FPR2: variants seen among roughly 807,000 people sequenced by gnomAD.
FPR2 encodes N-formyl peptide receptor 2.
A neutral mutation model predicts 4.0 loss-of-function variants in FPR2; 3 were observed. The ratio of observed to expected loss-of-function variants is 0.74; its 90% CI spans 0.34 to 1.92. FPR2 has a LOEUF of 1.92. FPR2 is among the 30% of genes most tolerant of loss of function. The pLI, the probability that FPR2 is intolerant of heterozygous loss-of-function variation, is 0.07. For synonymous variants in FPR2, 179 were observed against 171.5 expected, an observed-to-expected ratio of 1.04 and a Z score of -0.34; for missense variants, 372 against 435.7, an observed-to-expected ratio of 0.85 and a Z score of 1.30.
intron 1 of FPR2, chr19:51,763,317 C>T (rs1160099758): frequency 4.6e-5 from 7 of 152,106 alleles, no homozygotes; most frequent in Non-Finnish European, 8.8e-5. Flanking sequence ...GCTTCAAATG[C>T]AAGTGAAAGT....
chr19:51,768,827 C>T lies in FPR2; in HGVS notation c.169C>T (p.Arg57Cys), dbSNP rs142611552. The T allele has an allele frequency of 1.1e-4, 184 of 1,614,120 alleles. No individual in the cohort carries two copies. The highest frequency in any genetic ancestry group is 2.3e-4 in the African/African-American group (17 of 75,016). The change falls in exon 2 of 2, where the codon CGC becomes TGC. Residue 57 changes from arginine to cysteine, a missense_variant. Physicochemically the swap from Arg to Cys is radical, Grantham distance 180. Transcript: ENST00000340023. The stretch of plus-strand genomic sequence containing the variant: ...CTGGGTGGCTGGATTCCGGATGACA[C>T]GCACAGTCACCACCATCTGTTACCT... The part of the protein sequence containing the change: ...VIWVAGFRMT[R>C]TVTTICYLNL...
rs866790761 is a variant in FPR2 at position 51,769,370 on chromosome 19, C to T, written c.712C>T (p.Arg238Cys). ...CAAAAAGGGCATGATTAAATCCAGC[C>T]GTCCCTTACGGGTCCTCACTGCTGT... ...IHKKGMIKSS[R>C]PLRVLTAVVA... The change falls in exon 2 of 2, where the codon CGT (arginine) becomes TGT (cysteine). Residue 238 changes from arginine to cysteine, a missense_variant. Transcript: ENST00000340023. The surrounding 1 kb of genome is among the most constrained non-coding windows in gnomAD (Gnocchi z 4.4). The T allele has an allele frequency of 6.2e-6, 10 of 1,614,214 alleles. No homozygotes were observed. The Middle Eastern group carries it at 6.6e-4, about 107-fold the overall frequency.
At chr19:51,767,566 C>T (rs2083874874) in intron 1 of FPR2, among the ~76,000 whole-genome samples, 1 of 152,078 alleles carries the variant, frequency 6.6e-6, no homozygotes, top group African/African-American at 2.4e-5. Context: ...AGAAAAGACA[C>T]CTTCTCTGCA....
chr19:51,768,602 A>G lies in FPR2; in HGVS notation c.-14-43A>G, dbSNP rs113395037. ...GAGCTATAAATACAGATGCTGTAAG[A>G]TGGTTCCACAGCTGAGAAATGGCCA... On this transcript the variant is annotated intron_variant, in intron 1 of 1. Transcript: ENST00000340023. 7.5e-6 allele frequency: 11 copies of G among 1,460,488 alleles called. No homozygotes were observed. The African/African-American group carries it at 1.1e-4, about 15-fold the overall frequency. The allele number at this position is 1,460,488 out of a possible 1,614,324, so 90.5% of individuals were successfully genotyped here.
intron 1 of FPR2, among the ~76,000 whole-genome samples, chr19:51,766,168 C>T (rs916870218): frequency 2.6e-5 from 4 of 152,152 alleles, no homozygotes; most frequent in Non-Finnish European, 5.9e-5. Flanking sequence ...CAATCCACCC[C>T]CCTTGGCCTC....
intron 1 of FPR2, among the ~76,000 whole-genome samples, chr19:51,766,953 A>G (rs1344268332): frequency 6.6e-6 from 1 of 152,216 alleles, no homozygotes; most frequent in Non-Finnish European, 1.5e-5. Flanking sequence ...TTATAAGTTC[A>G]GGGGTATATG....
chr19:51,765,325 G>T (rs941099689), intron 1 of FPR2, among the ~76,000 whole-genome samples: 2 of 152,144 alleles, frequency 1.3e-5, no homozygotes, highest in Admixed American at 1.3e-4. Context: ...ACCTGGTAAC[G>T]TTGAACAATT....
chr19:51,769,661 A>T lies in FPR2; in HGVS notation c.1003A>T (p.Thr335Ser). Reference sequence around the variant, plus strand: ...TGAGGACTCAGCCCCAACTAATGACACGGCTGCCAATTCTGCTTCACCTCC... The same window carrying T: ...TGAGGACTCAGCCCCAACTAATGACTCGGCTGCCAATTCTGCTTCACCTCC... ...LSEDSAPTNDTAANSASPPAE... is the reference protein window; with the variant it reads ...LSEDSAPTNDSAANSASPPAE... Residue 335 changes from threonine to serine, a missense_variant, in exon 2 of 2, where the codon ACG becomes TCG. Physicochemically the swap from Thr to Ser is moderately conservative, Grantham distance 58. Transcript: ENST00000340023. This position sits in a 1 kb window ranked among gnomAD's most constrained non-coding sequence, Gnocchi z 4.4. The T allele has an allele frequency of 6.2e-7, 1 of 1,614,174 alleles. No homozygotes were observed. The highest frequency in any genetic ancestry group is 8.5e-7 in the Non-Finnish European group (1 of 1,180,034).
In FPR2 at chr19:51,768,968, G is replaced by C. The variant is rs199862216; in HGVS notation, c.310G>C (p.Val104Leu). The stretch of plus-strand genomic sequence containing the variant: ...GTTCCTGTGTAAGTTAATTCACATC[G>C]TGGTGGACATCAACCTCTTTGGAAG... ...GWFLCKLIHI[V>L]VDINLFGSVF... Residue 104 changes from valine to leucine, a missense_variant, in exon 2 of 2, where the codon GTG (valine) becomes CTG (leucine). By Grantham distance (32) the Val-to-Leu change is conservative (BLOSUM62 1). Coordinates refer to ENST00000340023, the MANE Select transcript of FPR2 (RefSeq NM_001005738.2). 6.2e-7 allele frequency: 1 copy of C among 1,614,128 alleles called. No individual in the cohort carries two copies. The highest frequency in any genetic ancestry group is 1.3e-5 in the African/African-American group (1 of 75,004).
In FPR2 at chr19:51,769,031, A is replaced by G. The variant is rs766456681; in HGVS notation, c.373A>G (p.Ile125Val). 1.2e-6 allele frequency: 2 copies of G among 1,614,116 alleles called. No homozygotes were observed. The highest frequency in any genetic ancestry group is 1.1e-5 in the South Asian group (1 of 91,080). Residue 125 changes from isoleucine to valine, a missense_variant, in exon 2 of 2, where the codon ATT (isoleucine) becomes GTT (valine). Coordinates refer to ENST00000340023, the MANE Select transcript of FPR2 (RefSeq NM_001005738.2). The surrounding 1 kb of genome is among the most constrained non-coding windows in gnomAD (Gnocchi z 4.4). ...TGGTTTCATTGCACTGGACCGCTGC[A>G]TTTGTGTCCTGCATCCAGTCTGGGC... ...LIGFIALDRC[I>V]CVLHPVWAQN... is the part of the protein sequence containing the mutation.
At chr19:51,763,239 C>T (rs545797226) in intron 1 of FPR2, 2 of 152,232 alleles carry the variant, frequency 1.3e-5, no homozygotes, top group African/African-American at 4.8e-5. Context: ...CGGGACACTC[C>T]TAAATTTAGA....
intron 1 of FPR2, among the ~76,000 whole-genome samples, chr19:51,766,120 C>T (rs1261511108): frequency 6.6e-6 from 1 of 152,158 alleles, no homozygotes; most frequent in African/African-American, 2.4e-5. Flanking sequence ...GGGGCTTCAC[C>T]GTATTGCCCA....
chr19:51,769,792 A>G lies in FPR2; in HGVS notation c.*78A>G. 2.4e-6 allele frequency: 3 copies of G among 1,225,974 alleles called. No homozygotes were observed. The highest frequency in any genetic ancestry group is 3.5e-6 in the Non-Finnish European group (3 of 853,344). 75.9% of individuals were successfully genotyped at this position (1,225,974 alleles called of 1,614,324 possible). A position where few individuals can be genotyped will look rare whatever the true frequency, so the allele number is the denominator to read the frequency against. On this transcript the variant is annotated 3_prime_UTR_variant, in exon 2 of 2. Coordinates refer to ENST00000340023, the MANE Select transcript of FPR2 (RefSeq NM_001005738.2). This position sits in a 1 kb window ranked among gnomAD's most constrained non-coding sequence, Gnocchi z 4.4. ...CCAGCTTCATCTACCCTTGAGTCAT[A>G]TTGAGGCATTCAAGGATGCACAGCT... is the stretch of plus-strand genomic sequence containing the variant.
chr19:51,767,735 T>C (rs1336304432), intron 1 of FPR2, among the ~76,000 whole-genome samples: 2 of 151,972 alleles, frequency 1.3e-5, no homozygotes, highest in Non-Finnish European at 2.9e-5. Context: ...TAAGTGACCT[T>C]CAACACATTT....
chr19:51,764,978 C>A (rs1449368532), intron 1 of FPR2, among the ~76,000 whole-genome samples: 1 of 152,164 alleles, frequency 6.6e-6, no homozygotes, highest in Non-Finnish European at 1.5e-5. Context: ...AGGCACCCAC[C>A]ACCATGCCCA....
At position 51,769,621 on chromosome 19, in the gene FPR2, G is replaced by A. The variant is rs755796397; in HGVS notation, c.963G>A (p.Leu321=). 2 of 1,614,074 alleles carry A rather than the reference G, an allele frequency of 1.2e-6. No individual in the cohort carries two copies. The highest frequency in any genetic ancestry group is 1.7e-6 in the Non-Finnish European group (2 of 1,180,034). ...TGATCCACTCCCTGCCCACCAGTCTGGAGAGGGCCCTGTCTGAGGACTCAG... is the reference window on the plus strand; with the variant it reads ...TGATCCACTCCCTGCCCACCAGTCTAGAGAGGGCCCTGTCTGAGGACTCAG... The part of the protein sequence containing the change: ...ERLIHSLPTS[L]ERALSEDSAP... The change falls in exon 2 of 2, where the codon CTG becomes CTA. Residue 321 remains leucine (L), a synonymous_variant. Coordinates refer to ENST00000340023, the MANE Select transcript of FPR2 (RefSeq NM_001005738.2). This position sits in a 1 kb window ranked among gnomAD's most constrained non-coding sequence, Gnocchi z 4.4.
Position 51,770,024 on chromosome 19 carries a change from TTAAAGTA to T in FPR2, c.*318_*324del, listed in dbSNP as rs2083892504. ...GATAGCGCATAATAAGGGGAAGACT[TTAAAGTA>T]TAAAGTAAAATGTTTGCTGTAGGTT... On this transcript the variant is annotated 3_prime_UTR_variant, in exon 2 of 2. Transcript: ENST00000340023. 1 of 266,294 alleles carries T rather than the reference TTAAAGTA, an allele frequency of 3.8e-6. No homozygotes were observed. Among genetic ancestry groups the T allele is most frequent in the African/African-American group, 2.2e-5 (1 of 45,336 alleles). The allele number at this position is 266,294 out of a possible 1,614,324, so 16.5% of individuals were successfully genotyped here. A position where few individuals can be genotyped will look rare whatever the true frequency, so the allele number is the denominator to read the frequency against.
intron 1 of FPR2, among the ~76,000 whole-genome samples, chr19:51,767,552 A>C (rs764353433): frequency 2.0e-5 from 3 of 152,154 alleles, no homozygotes; most frequent in Non-Finnish European, 4.4e-5. Flanking sequence ...TACTCCCAAC[A>C]TGGAGAAAAG....
chr19:51,768,613 G>A, intron 1 of FPR2, 32 bp from the exon 2 acceptor site: 1 of 1,519,142 alleles, frequency 6.6e-7, no homozygotes, highest in South Asian at 1.2e-5. Context: ...TGGTTCCACA[G>A]CTGAGAAATG....
Sources: gnomAD v4.1 joint callset for allele counts (sites outside exome capture counted in the v4.1 genomes callset) on GRCh38, gnomAD v4.1.1 for gene constraint, Gnocchi (gnomAD v3.1) non-coding constraint, MANE v1.5 for transcripts, NCBI Gene and HGNC (gene_info 2026-07-23, HGNC 2026-07-21) for gene names.